The following FBLN2 variants were observed in gnomAD, a reference collection of about 807,000 sequenced individuals.
FBLN2 encodes the protein fibulin 2.
A neutral mutation model predicts 123.7 loss-of-function variants in FBLN2; 81 were observed. That is an observed-to-expected ratio of 0.65 (90% CI 0.55 to 0.79). The LOEUF (loss-of-function observed/expected upper bound fraction) is 0.79. Among genes scored for constraint, FBLN2 ranks in the 30% least tolerant of loss-of-function variants. FBLN2 has a pLI of 0.00. For synonymous variants in FBLN2, 699 were observed against 701.4 expected (o/e 1.00, Z 0.05); for missense variants, 1,603 against 1,681.3 (o/e 0.95, Z 0.81).
chr3:13,567,449 C>T (rs1445991700), intron 1 of FBLN2, among the ~76,000 whole-genome samples: 5 of 152,202 alleles, frequency 3.3e-5, no homozygotes, highest in Non-Finnish European at 5.9e-5. Context: ...CCTCCGCCTC[C>T]GGGGTTCAAG....
chr3:13,626,183 C>T (rs1706030020), intron 9 of FBLN2, among the ~76,000 whole-genome samples: 1 of 152,194 alleles, frequency 6.6e-6, no homozygotes, highest in African/African-American at 2.4e-5. Flanking sequence ...GTGTCTGCCC[C>T]ACAAGGGCAG....
chr3:13,634,347 G>A (rs955208290), intron 16 of FBLN2, among the ~76,000 whole-genome samples: 1 of 152,252 alleles, frequency 6.6e-6, no homozygotes, highest in South Asian at 2.1e-4. Context: ...GCCGATGGGC[G>A]AGGCCCTGGG....
intron 5 of FBLN2, among the ~76,000 whole-genome samples, chr3:13,614,995 TCCA>T (rs2124888426): frequency 6.6e-6 from 1 of 151,850 alleles, no homozygotes; most frequent in South Asian, 2.1e-4. Flanking sequence ...CATCCATCCA[TCCA>T]TCCATCCATC....
chr3:13,571,000 G>A lies in FBLN2; in HGVS notation c.645G>A (p.Glu215=), dbSNP rs1412067351. 6.2e-7 allele frequency: 1 copy of A among 1,600,732 alleles called. No homozygotes were observed. The highest frequency in any genetic ancestry group is 8.5e-7 in the Non-Finnish European group (1 of 1,173,994). The change falls in exon 2 of 18, where the codon GAG becomes GAA. Residue 215 remains glutamate (E), a synonymous_variant. Transcript: ENST00000404922. ...AAGCAGCAACAGCCCTGGGGGGTGA[G>A]GTCCAGGCGGGTGCAGTCCAGGCAG... ...EVEAATALGG[E]VQAGAVQAGA...
intron 2 of FBLN2, among the ~76,000 whole-genome samples, chr3:13,572,658 C>T (rs537356863): frequency 2.0e-5 from 3 of 152,372 alleles, no homozygotes; most frequent in African/African-American, 7.2e-5. Context: ...CATGCCTGCT[C>T]CCAGCAGGTC....
chr3:13,636,178 T>C (rs1706459085), intron 16 of FBLN2, among the ~76,000 whole-genome samples: 1 of 152,178 alleles, frequency 6.6e-6, no homozygotes, highest in East Asian at 1.9e-4. Context: ...ACTGTGTGGC[T>C]TGGCATCCAG....
chr3:13,614,894 A>G lies in FBLN2; in HGVS notation c.1729+730A>G, dbSNP rs899353820. 1.9e-4 allele frequency among the ~76,000 whole-genome samples: 27 copies of G among 141,960 alleles called. 1 individual carries two copies. Among genetic ancestry groups the G allele is most frequent in the Non-Finnish European group, 3.0e-4 (20 of 65,650 alleles). The allele number at this position is 141,960 out of a possible 152,430, so 93.1% of individuals were successfully genotyped here. A position where few individuals can be genotyped will look rare whatever the true frequency, so the allele number is the denominator to read the frequency against. ...CATCTATCCATCTGTCTGATCATCTATTCATCTATCCATCCATCCATCCAT... is the reference window on the plus strand; with the variant it reads ...CATCTATCCATCTGTCTGATCATCTGTTCATCTATCCATCCATCCATCCAT... On this transcript the variant is annotated intron_variant, in intron 5 of 17. Transcript: ENST00000404922.
chr3:13,634,503 G>A (rs994087410), intron 16 of FBLN2, among the ~76,000 whole-genome samples: 2 of 152,254 alleles, frequency 1.3e-5, no homozygotes, highest in Admixed American at 6.5e-5. Context: ...CGTCCTTCCT[G>A]CCCCACCCAC....
intron 4 of FBLN2, 47 bp downstream of exon 4, chr3:13,609,689 C>CGG: frequency 2.5e-4 from 109 of 428,780 alleles, no homozygotes; most frequent in Middle Eastern, 7.3e-4. Flanking sequence ...TGGGGCGGGG[C>CGG]GGGAGGCTGG....
intron 8 of FBLN2, 83 bp downstream of exon 8, chr3:13,619,914 T>C: frequency 9.3e-7 from 1 of 1,073,502 alleles, no homozygotes; most frequent in Admixed American, 2.6e-5. Context: ...TGGCTGAGAC[T>C]TAAAACTTGC....
intron 2 of FBLN2, among the ~76,000 whole-genome samples, chr3:13,586,186 T>A (rs1704491666): frequency 6.6e-6 from 1 of 152,194 alleles, no homozygotes; most frequent in African/African-American, 2.4e-5. Context: ...TTTCTTTTTT[T>A]CTTTTTTCTT....
intron 2 of FBLN2, among the ~76,000 whole-genome samples, chr3:13,593,624 G>T (rs1433885231): frequency 6.7e-6 from 1 of 150,100 alleles, no homozygotes; most frequent in African/African-American, 2.5e-5. Flanking sequence ...TGAGGCGGGA[G>T]AATTGCTTGA....
rs750825548 is a variant in FBLN2, at chr3:13,571,456, C to T, written c.1101C>T (p.Leu367=). 6.2e-6 allele frequency: 10 copies of T among 1,612,874 alleles called. No individual in the cohort carries two copies. Among genetic ancestry groups the T allele is most frequent in the Admixed American group, 3.3e-5 (2 of 59,910 alleles). ...CACCGAGCCTGGGCAAGGCTGCTCT[C>T]GTCCCAACTCAGGCCGTGCCTGGCT... ...THAPSLGKAA[L]VPTQAVPGSP... is the part of the protein sequence containing the mutation. The change falls in exon 2 of 18, where the codon CTC becomes CTT. Residue 367 remains leucine, a synonymous_variant. Coordinates refer to ENST00000404922, the MANE Select transcript of FBLN2 (RefSeq NM_001004019.2).
At chr3:13,613,945 G>T in intron 4 of FBLN2, 39 bp from the exon 5 acceptor site, 1 of 1,592,868 alleles carries the variant, frequency 6.3e-7, no homozygotes, top group South Asian at 1.1e-5. Context: ...TCCAGGCTGG[G>T]GCCAGAGATT....
chr3:13,631,456 G>A lies in FBLN2; in HGVS notation c.3213G>A (p.Lys1071=), dbSNP rs1420479620. 1 of 1,586,262 alleles carries A rather than the reference G, an allele frequency of 6.3e-7. No homozygotes were observed. The highest frequency in any genetic ancestry group is 1.3e-5 in the African/African-American group (1 of 74,366). Residue 1071 remains lysine (K), a splice_region_variant and synonymous_variant, in exon 16 of 18, where the codon AAG becomes AAA. Transcript: ENST00000404922. ...TGACGGCCAACGGGAGGTCCTGCAA[G>A]GGTGAGCAAGTCCCCCCACACGCCC... is the stretch of plus-strand genomic sequence containing the variant. ...YTMTANGRSC[K]DVDECALGTH...
At chr3:13,619,436 TCTC>T (rs1705766291) in intron 7 of FBLN2, among the ~76,000 whole-genome samples, 1 of 152,152 alleles carries the variant, frequency 6.6e-6, no homozygotes, top group African/African-American at 2.4e-5. Flanking sequence ...CCTTCTCTCT[TCTC>T]CTCCATCTCC....
In FBLN2 at chr3:13,570,371, G is replaced by C; in HGVS notation, c.16G>C (p.Glu6Gln). Residue 6 changes from glutamate (E) to glutamine (Q), a missense_variant, in exon 2 of 18, where the codon GAG becomes CAG. Physicochemically the swap from Glu to Gln is conservative, Grantham distance 29 (BLOSUM62 2). Coordinates refer to ENST00000404922, the MANE Select transcript of FBLN2 (RefSeq NM_001004019.2). The part of the protein sequence containing the change: MVLLW[E>Q]PAGAWLALGL... ...GGCCTGGACCATGGTGCTGCTCTGGGAGCCTGCAGGAGCCTGGCTTGCTCT... is the reference window on the plus strand; with the variant it reads ...GGCCTGGACCATGGTGCTGCTCTGGCAGCCTGCAGGAGCCTGGCTTGCTCT... 1 of 1,566,480 alleles carries C rather than the reference G, an allele frequency of 6.4e-7. No individual in the cohort carries two copies. The highest frequency in any genetic ancestry group is 8.7e-7 in the Non-Finnish European group (1 of 1,155,622).
intron 4 of FBLN2, among the ~76,000 whole-genome samples, chr3:13,613,290 T>C (rs1217040958): frequency 6.6e-6 from 1 of 152,208 alleles, no homozygotes; most frequent in Non-Finnish European, 1.5e-5. Context: ...GCAGCTGCAA[T>C]ATCACATTGC....
chr3:13,634,494 G>A (rs749406678), intron 16 of FBLN2, among the ~76,000 whole-genome samples: 5 of 152,250 alleles, frequency 3.3e-5, no homozygotes, highest in Non-Finnish European at 5.9e-5. Flanking sequence ...AAGCTCCCAC[G>A]TCCTTCCTGC....
Sources: gnomAD v4.1 joint callset for allele counts (sites outside exome capture counted in the v4.1 genomes callset) on GRCh38, gnomAD v4.1.1 for gene constraint, MANE v1.5 for transcripts, NCBI Gene and HGNC (gene_info 2026-07-23, HGNC 2026-07-21) for gene names.